MKLN1: variants seen among roughly 807,000 people sequenced by gnomAD.
MKLN1 encodes the protein muskelin 1.
In MKLN1, 18 loss-of-function variants were observed where a neutral mutation model predicts 99.0. The observed-to-expected ratio is 0.18, with a 90% CI of 0.13 to 0.27. MKLN1 has a LOEUF of 0.27. Among genes scored for constraint, MKLN1 ranks in the 10% least tolerant of loss-of-function variants. The pLI, the probability that MKLN1 is intolerant of heterozygous loss-of-function variation, is 1.00. For synonymous variants in MKLN1, 288 were observed against 293.2 expected, an observed-to-expected ratio of 0.98 and a Z score of 0.18; for missense variants, 621 against 875.9, an observed-to-expected ratio of 0.71 and a Z score of 3.67.
At chr7:131,140,457 C>T (rs1023181490) in intron 1 of MKLN1, among the ~76,000 whole-genome samples, 1 of 152,148 alleles carries the variant, frequency 6.6e-6, no homozygotes, top group Non-Finnish European at 1.5e-5. Flanking sequence ...GTGGATCCCT[C>T]ATGAATGGCT....
chr7:131,483,011 G>A (rs777719821), intron 17 of MKLN1, among the ~76,000 whole-genome samples: 1 of 152,162 alleles, frequency 6.6e-6, no homozygotes, highest in Non-Finnish European at 1.5e-5. Flanking sequence ...GCTTCAGAGC[G>A]CCTTTTCTAA....
At chr7:131,252,156 G>A (rs1298145203) in intron 3 of MKLN1, among the ~76,000 whole-genome samples, 1 of 152,008 alleles carries the variant, frequency 6.6e-6, no homozygotes, top group African/African-American at 2.4e-5. Context: ...CAAACTCAAA[G>A]CAGCAATAGC....
chr7:131,406,682 A>G (rs1203460944), intron 6 of MKLN1, among the ~76,000 whole-genome samples: 1 of 151,956 alleles, frequency 6.6e-6, no homozygotes. Context: ...ATGCAGCTCA[A>G]CTCTCTCAGA....
chr7:131,246,460 C>T lies in MKLN1; in HGVS notation c.-179+43486C>T, dbSNP rs116161816. Among the ~76,000 whole-genome samples the T allele has an allele frequency of 6.1e-3, 927 of 152,308 alleles. 6 individuals are homozygous for T. Among genetic ancestry groups the T allele is most frequent in the African/African-American group, 0.02 (821 of 41,560 alleles). ...GAGAGCTCTAAACCCACATTTTAGG[C>T]AGATTCTGTTTAACAATAAAGTATT... On this transcript the variant is annotated intron_variant, in intron 3 of 7. Transcript: ENST00000416992.
chr7:131,381,252 G>A (rs1793838424), intron 2 of MKLN1, among the ~76,000 whole-genome samples: 1 of 152,118 alleles, frequency 6.6e-6, no homozygotes, highest in African/African-American at 2.4e-5. Flanking sequence ...ATTTGTAACT[G>A]CCTGTACATT....
At chr7:131,327,638 T>G, upstream of MKLN1, 2 of 471,716 alleles carry the variant, frequency 4.2e-6, no homozygotes, top group Non-Finnish European at 7.5e-6. Context: ...AAAAGTCCTT[T>G]GCGCCATTCC....
At chr7:131,133,820 G>GTTTTTTTTTTTTTTTTTTTTTTTATTTTT (rs1795603653) in intron 1 of MKLN1, among the ~76,000 whole-genome samples, 1 of 24,062 alleles carries the variant, frequency 4.2e-5, no homozygotes, top group Non-Finnish European at 7.5e-5. Context: ...TTTTAATTTG[G>GTTTTTTTTTTTTTTTTTTTTTTTATTTTT]TTTTTTTTTT....
intron 3 of MKLN1, among the ~76,000 whole-genome samples, chr7:131,245,073 A>C (rs1797465405): frequency 6.6e-6 from 1 of 152,200 alleles, no homozygotes. Flanking sequence ...CATATAAAAA[A>C]GCCCAGTGAC....
intron 3 of MKLN1, among the ~76,000 whole-genome samples, chr7:131,301,941 G>A (rs541442654): frequency 4.6e-5 from 7 of 152,080 alleles, no homozygotes; most frequent in South Asian, 2.1e-4. Context: ...GTGGCCTTCC[G>A]GAACCAAAAC....
intron 1 of MKLN1, among the ~76,000 whole-genome samples, chr7:131,331,792 T>A (rs1799083574): frequency 6.6e-6 from 1 of 152,170 alleles, no homozygotes; most frequent in South Asian, 2.1e-4. Flanking sequence ...AAAAATAGAT[T>A]TTATCTTGAT....
chr7:131,391,824 A>G (rs1794204251), intron 4 of MKLN1, among the ~76,000 whole-genome samples: 1 of 152,164 alleles, frequency 6.6e-6, no homozygotes, highest in African/African-American at 2.4e-5. Flanking sequence ...TGCATTTTGG[A>G]TATCTCTTTT....
At chr7:131,318,992 T>C (rs972481985) in intron 3 of MKLN1, among the ~76,000 whole-genome samples, 2 of 152,162 alleles carry the variant, frequency 1.3e-5, no homozygotes, top group African/African-American at 4.8e-5. Context: ...CCAGAGAGAC[T>C]GACAGCCGAA....
intron 1 of MKLN1, among the ~76,000 whole-genome samples, chr7:131,111,483 C>T (rs999702345): frequency 6.6e-5 from 10 of 152,138 alleles, no homozygotes; most frequent in Admixed American, 5.2e-4. Flanking sequence ...TATTTGGTCT[C>T]GTAGCACTAG....
In MKLN1 at chr7:131,346,173, G is replaced by A. The variant is rs181176929; in HGVS notation, c.98+18176G>A. ...CTGTTCACTTAAAAAATAGATGATGGTATTTTTCTTCTATTGATACTTTTA... is the reference window on the plus strand; with the variant it reads ...CTGTTCACTTAAAAAATAGATGATGATATTTTTCTTCTATTGATACTTTTA... On this transcript the variant is annotated intron_variant, in intron 1 of 17. Transcript: ENST00000352689. 3.7e-3 allele frequency among the ~76,000 whole-genome samples: 558 copies of A among 152,156 alleles called. 1 individual carries two copies. Among genetic ancestry groups the A allele is most frequent in the Non-Finnish European group, 4.8e-3 (329 of 68,004 alleles).
intron 2 of MKLN1, among the ~76,000 whole-genome samples, chr7:131,146,016 T>C (rs965094278): frequency 5.3e-5 from 8 of 152,364 alleles, no homozygotes; most frequent in African/African-American, 1.9e-4. Flanking sequence ...AATACGTGAT[T>C]AATGAGGTTG....
rs530629678 is a variant in MKLN1 at position 131,375,327 on chromosome 7, C to T, written c.99-97C>T. On this transcript the variant is annotated intron_variant, in intron 1 of 17. Coordinates refer to ENST00000352689, the MANE Select transcript of MKLN1 (RefSeq NM_013255.5). ...TTTCTATTCTTATTCAAGTTCCAAA[C>T]ATTACATAACTTTATGATAATTTCA... 52 of 751,058 alleles carry T rather than the reference C, an allele frequency of 6.9e-5. No individual in the cohort carries two copies. In the African/African-American group the frequency reaches 7.5e-4, roughly 11 times the overall value. The allele number at this position is 751,058 out of a possible 1,614,324, so 46.5% of individuals were successfully genotyped here.
At chr7:131,149,957 C>T (rs7792497) in intron 2 of MKLN1, among the ~76,000 whole-genome samples, 34,966 of 152,092 alleles carry the variant, frequency 0.23, 5,219 homozygotes, top group East Asian at 0.66. Context: ...AGAAGGCTAG[C>T]GCTGCTTTGC....
At chr7:131,365,020 T>C (rs1268517376) in intron 1 of MKLN1, among the ~76,000 whole-genome samples, 2 of 152,208 alleles carry the variant, frequency 1.3e-5, no homozygotes, top group Non-Finnish European at 2.9e-5. Flanking sequence ...GTTCTACTTT[T>C]AGCTATTTGA....
At chr7:131,360,240 TCTAA>T (rs1482819040) in intron 1 of MKLN1, among the ~76,000 whole-genome samples, 2 of 152,222 alleles carry the variant, frequency 1.3e-5, no homozygotes, top group African/African-American at 4.8e-5. Flanking sequence ...TTTTATCTAC[TCTAA>T]CAGCCTGTCT....
Sources: allele counts gnomAD v4.1 joint callset (sites outside exome capture counted in the v4.1 genomes callset), GRCh38; gene constraint gnomAD v4.1.1; transcripts MANE v1.5; gene names NCBI Gene and HGNC (gene_info 2026-07-23, HGNC 2026-07-21).